The following CACNA1C variants were observed in gnomAD, a reference collection of about 807,000 sequenced individuals.
CACNA1C encodes the protein calcium voltage-gated channel subunit alpha1 C.
Under a neutral mutation model 229.0 loss-of-function variants are expected in CACNA1C, and 30 were observed. The observed-to-expected ratio is 0.13, with a 90% CI of 0.10 to 0.18. CACNA1C has a LOEUF of 0.18. CACNA1C is among the 10% of genes least tolerant of loss of function. The pLI, the probability that CACNA1C is intolerant of heterozygous loss-of-function variation, is 1.00. For missense variants in CACNA1C, 1,658 were observed against 2,845.0 expected (o/e 0.58, Z 9.49); for synonymous variants, 1,114 against 1,132.5 (o/e 0.98, Z 0.33).
intron 3 of CACNA1C, among the ~76,000 whole-genome samples, chr12:2,138,385 C>T (rs1474812138): frequency 1.3e-5 from 2 of 151,108 alleles, no homozygotes; most frequent in Non-Finnish European, 3.0e-5. Context: ...TGGGGGAAGG[C>T]AGGTGGCAGG....
At chr12:2,161,986 A>G (rs960086489) in intron 3 of CACNA1C, among the ~76,000 whole-genome samples, 1 of 152,218 alleles carries the variant, frequency 6.6e-6, no homozygotes, top group African/African-American at 2.4e-5. Context: ...GATATGTTCT[A>G]ATTATCTGTT....
chr12:2,281,829 T>C (rs1214009176), intron 3 of CACNA1C, among the ~76,000 whole-genome samples: 1 of 152,204 alleles, frequency 6.6e-6, no homozygotes, highest in Non-Finnish European at 1.5e-5. Flanking sequence ...ATTTTTAAAA[T>C]TAAAATTGAT....
At chr12:2,459,884 A>T (rs554950537) in intron 5 of CACNA1C, among the ~76,000 whole-genome samples, 16 of 152,346 alleles carry the variant, frequency 1.1e-4, no homozygotes, top group Non-Finnish European at 2.4e-4. Context: ...TATTAGGGGT[A>T]TTAGGACGTA....
At chr12:2,078,120 G>A (rs1244432356) in intron 1 of CACNA1C, among the ~76,000 whole-genome samples, 1 of 152,138 alleles carries the variant, frequency 6.6e-6, no homozygotes, top group Admixed American at 6.5e-5. Flanking sequence ...GCCAGGAGGT[G>A]GGCCTTCCTG....
rs372964799 is a variant in CACNA1C at position 2,427,912 on chromosome 12, G to T, written c.478-21064G>T. ...TGGGATTACAGGCGTGAGCCACCGC[G>T]CCTGGCCATGAGGCATATTTTAAAA... On this transcript the variant is annotated intron_variant, in intron 3 of 46. Coordinates refer to ENST00000399655, the MANE Select transcript of CACNA1C (RefSeq NM_000719.7). Among the ~76,000 whole-genome samples, 9 of 152,202 alleles carry T rather than the reference G, an allele frequency of 5.9e-5. No individual in the cohort carries two copies. In the East Asian group the frequency reaches 1.7e-3, roughly 29 times the overall value.
At chr12:2,065,883 T>G in intron 1 of CACNA1C, among the ~76,000 whole-genome samples, 1 of 152,056 alleles carries the variant, frequency 6.6e-6, no homozygotes, top group East Asian at 1.9e-4. Flanking sequence ...GAGCAAGGTT[T>G]TGCAGGGGGA....
intron 3 of CACNA1C, among the ~76,000 whole-genome samples, chr12:2,127,089 A>G (rs1434582937): frequency 6.6e-6 from 1 of 152,176 alleles, no homozygotes; most frequent in Non-Finnish European, 1.5e-5. Flanking sequence ...GAAGAGCCCC[A>G]GAGGGAGAGC....
intron 1 of CACNA1C, among the ~76,000 whole-genome samples, chr12:2,037,288 T>C (rs946971747): frequency 6.6e-6 from 1 of 152,226 alleles, no homozygotes; most frequent in Non-Finnish European, 1.5e-5. Context: ...CTTCCTTGTT[T>C]GGTAGGCATG....
At chr12:1,989,716 T>C (rs992517887) in intron 1 of CACNA1C, among the ~76,000 whole-genome samples, 21 of 152,290 alleles carry the variant, frequency 1.4e-4, no homozygotes, top group African/African-American at 1.2e-4. Flanking sequence ...TCCGTCTCAA[T>C]TGAAAAAGCA....
At chr12:2,179,019 A>G (rs1261883254) in intron 3 of CACNA1C, among the ~76,000 whole-genome samples, 1 of 152,168 alleles carries the variant, frequency 6.6e-6, no homozygotes, top group Admixed American at 6.5e-5. Context: ...CCGTGATTGC[A>G]CCACTGCACT....
At chr12:2,295,178 G>T (rs1278352624) in intron 3 of CACNA1C, among the ~76,000 whole-genome samples, 1 of 152,170 alleles carries the variant, frequency 6.6e-6, no homozygotes, top group Non-Finnish European at 1.5e-5. Context: ...AGCCTGGGCA[G>T]TGAACATCCT....
intron 1 of CACNA1C, chr12:1,993,536 A>AC: frequency 1.1e-6 from 1 of 932,830 alleles, no homozygotes; most frequent in South Asian, 1.7e-5. Context: ...GTACTTCTTC[A>AC]CCACTGGCAT....
At chr12:2,401,286 C>A (rs956797848) in intron 3 of CACNA1C, among the ~76,000 whole-genome samples, 1 of 152,230 alleles carries the variant, frequency 6.6e-6, no homozygotes, top group African/African-American at 2.4e-5. Flanking sequence ...GAGGAGGCTT[C>A]AGGATGAGTC....
chr12:2,019,824 CA>C (rs1401855247), intron 1 of CACNA1C: 1 of 152,090 alleles, frequency 6.6e-6, no homozygotes, highest in Non-Finnish European at 1.5e-5. Context: ...CTGAAGATAT[CA>C]GTGGTAGATG....
At chr12:1,979,244 C>T (rs2035381867) in intron 1 of CACNA1C, among the ~76,000 whole-genome samples, 1 of 152,094 alleles carries the variant, frequency 6.6e-6, no homozygotes, top group Non-Finnish European at 1.5e-5. Context: ...AAACTCCTGA[C>T]CTCAGGTGAT....
intron 3 of CACNA1C, among the ~76,000 whole-genome samples, chr12:2,148,832 A>AG: frequency 6.6e-6 from 1 of 152,078 alleles, no homozygotes; most frequent in Non-Finnish European, 1.5e-5. Flanking sequence ...TGCGGTCTGG[A>AG]GGAGTTGCCT....
At position 2,504,952 on chromosome 12, in the gene CACNA1C, AG is replaced by A; in HGVS notation, c.1217+9del. The A allele has an allele frequency of 1.5e-6, 2 of 1,372,998 alleles. No homozygotes were observed. The highest frequency in any genetic ancestry group is 2.1e-6 in the Non-Finnish European group (2 of 961,474). 85.1% of individuals were successfully genotyped at this position (1,372,998 alleles called of 1,614,324 possible). A position where few individuals can be genotyped will look rare whatever the true frequency, so the allele number is the denominator to read the frequency against. On this transcript the variant is annotated splice_region_variant and intron_variant, in intron 8 of 46. Coordinates refer to ENST00000399655, the MANE Select transcript of CACNA1C (RefSeq NM_000719.7). The surrounding 1 kb of genome is among the most constrained non-coding windows in gnomAD (Gnocchi z 6.8). ...TTCTCGGTGTGCTTAGCGGGTAAGC[AG>A]GACCAAGGAAAAAGGTCTTGATTTT...
At chr12:2,169,330 C>T (rs1408679619) in intron 3 of CACNA1C, among the ~76,000 whole-genome samples, 6 of 152,124 alleles carry the variant, frequency 3.9e-5, no homozygotes, top group Admixed American at 3.9e-4. Context: ...TTATATGGCT[C>T]TCAAATTTTT....
chr12:2,353,177 T>C (rs1299606935), intron 3 of CACNA1C, among the ~76,000 whole-genome samples: 1 of 152,160 alleles, frequency 6.6e-6, no homozygotes, highest in Non-Finnish European at 1.5e-5. Flanking sequence ...CTGGGGGCTG[T>C]TGTCCTGGAG....
Sources: allele counts gnomAD v4.1 joint callset (sites outside exome capture counted in the v4.1 genomes callset), GRCh38; gene constraint gnomAD v4.1.1; non-coding constraint Gnocchi (gnomAD v3.1); transcripts MANE v1.5; gene names NCBI Gene and HGNC (gene_info 2026-07-23, HGNC 2026-07-21).